Variants in NOL4 observed in about 807,000 individuals in gnomAD.
NOL4 encodes nucleolar protein 4, also known as cancer/testis antigen 125.
In NOL4, 17 loss-of-function variants were observed where a neutral mutation model predicts 75.9. The observed-to-expected ratio is 0.22, with a 90% CI of 0.15 to 0.34. NOL4 has a LOEUF of 0.34. Among genes scored for constraint, NOL4 ranks in the 10% least tolerant of loss-of-function variants. The pLI is 1.00. For missense variants in NOL4, 614 were observed against 793.5 expected (o/e 0.77, Z 2.72); for synonymous variants, 292 against 289.9 (o/e 1.01, Z -0.07).
At chr18:34,184,267 T>A (rs778250686) in intron 1 of NOL4, among the ~76,000 whole-genome samples, 1 of 151,928 alleles carries the variant, frequency 6.6e-6, no homozygotes, top group Non-Finnish European at 1.5e-5. Context: ...ATATCATTGT[T>A]ATTACTACCA....
intron 9 of NOL4, among the ~76,000 whole-genome samples, chr18:33,883,775 C>G (rs989524747): frequency 2.6e-5 from 4 of 152,060 alleles, no homozygotes; most frequent in Non-Finnish European, 4.4e-5. Flanking sequence ...GAATACTATA[C>G]AGCTTCAAAA....
chr18:34,002,086 A>C (rs758529255), intron 6 of NOL4, among the ~76,000 whole-genome samples: 28 of 152,218 alleles, frequency 1.8e-4, no homozygotes, highest in Middle Eastern at 3.4e-3. Flanking sequence ...GATTATTTCA[A>C]AGGCATTTTA....
At chr18:34,204,926 A>G (rs1317634287) in intron 1 of NOL4, among the ~76,000 whole-genome samples, 1 of 152,134 alleles carries the variant, frequency 6.6e-6, no homozygotes, top group Admixed American at 6.6e-5. Context: ...AGTAGATATC[A>G]TTTACTGTCC....
rs990770574 is a variant in NOL4, at chr18:34,089,721, A to G, written c.772+3744T>C. On this transcript the variant is annotated intron_variant, in intron 5 of 10. Coordinates refer to ENST00000261592, the MANE Select transcript of NOL4 (RefSeq NM_003787.5). ...CCACAAGGGACATTTGCAACATCTG[A>G]AGATATTTTTATTTGTCACAGTTGG... 3.9e-5 allele frequency among the ~76,000 whole-genome samples: 6 copies of G among 152,312 alleles called. No individual in the cohort carries two copies. In the South Asian group the frequency reaches 1.0e-3, roughly 26 times the overall value.
chr18:34,023,482 G>A (rs1299723485), intron 5 of NOL4: 1 of 456,220 alleles, frequency 2.2e-6, no homozygotes, highest in Non-Finnish European at 4.4e-6. Flanking sequence ...TACACAGAAG[G>A]TGCAGTATTT....
intron 9 of NOL4, among the ~76,000 whole-genome samples, chr18:33,941,840 T>G (rs1258595107): frequency 6.6e-6 from 1 of 151,866 alleles, no homozygotes; most frequent in East Asian, 1.9e-4. Context: ...ATACATAGTG[T>G]TATAACTCAT....
rs201612135 is a variant in NOL4 at position 34,189,215 on chromosome 18, CA to C, written c.264+33774del. Reference sequence around the variant, plus strand: ...AAGTGGAAGTGCAAGTGAGTGTATGCAAAAGAGGCAAAACATGAGGAGCAGT... The same window carrying C: ...AAGTGGAAGTGCAAGTGAGTGTATGCAAAGAGGCAAAACATGAGGAGCAGT... On this transcript the variant is annotated intron_variant, in intron 1 of 10. Coordinates refer to ENST00000261592, the MANE Select transcript of NOL4 (RefSeq NM_003787.5). 8.8e-3 allele frequency among the ~76,000 whole-genome samples: 1,339 copies of C among 152,156 alleles called. 20 individuals are homozygous for C. The highest frequency in any genetic ancestry group is 0.03 in the African/African-American group (1,250 of 41,502).
intron 5 of NOL4, among the ~76,000 whole-genome samples, chr18:34,051,639 G>C (rs1046423525): frequency 1.3e-5 from 2 of 152,060 alleles, no homozygotes; most frequent in African/African-American, 4.8e-5. Flanking sequence ...CCTGTCTTCA[G>C]TGAGTTCACA....
At chr18:34,001,190 A>T (rs1424334885) in intron 6 of NOL4, among the ~76,000 whole-genome samples, 1 of 152,152 alleles carries the variant, frequency 6.6e-6, no homozygotes, top group East Asian at 1.9e-4. Flanking sequence ...CATTTTTAGT[A>T]TAGTAGGGTA....
chr18:34,036,871 G>T (rs560854521), intron 5 of NOL4, among the ~76,000 whole-genome samples: 1 of 152,180 alleles, frequency 6.6e-6, no homozygotes, highest in Non-Finnish European at 1.5e-5. Flanking sequence ...GGTGGAGATT[G>T]CAGTTAGCCA....
intron 9 of NOL4, among the ~76,000 whole-genome samples, chr18:33,925,630 A>G (rs2067278615): frequency 6.6e-6 from 1 of 152,232 alleles, no homozygotes; most frequent in South Asian, 2.1e-4. Context: ...CTATGAATGT[A>G]TGATGACATT....
intron 5 of NOL4, among the ~76,000 whole-genome samples, chr18:34,051,656 T>C (rs1424353451): frequency 6.6e-6 from 1 of 152,064 alleles, no homozygotes; most frequent in East Asian, 1.9e-4. Flanking sequence ...CACAATTTAA[T>C]GCAGGAAGCA....
At chr18:33,894,811 A>G (rs1044351832) in intron 9 of NOL4, among the ~76,000 whole-genome samples, 1 of 152,126 alleles carries the variant, frequency 6.6e-6, no homozygotes, top group African/African-American at 2.4e-5. Flanking sequence ...ATGGTTACCC[A>G]GCCTCTGAGC....
chr18:34,078,369 A>G (rs2077842020), intron 5 of NOL4, among the ~76,000 whole-genome samples: 2 of 152,190 alleles, frequency 1.3e-5, no homozygotes, highest in African/African-American at 4.8e-5. Context: ...CACCTTTATT[A>G]GTAAAGACAA....
chr18:34,139,874 T>C (rs1488535847), intron 1 of NOL4, among the ~76,000 whole-genome samples: 1 of 152,206 alleles, frequency 6.6e-6, no homozygotes, highest in Non-Finnish European at 1.5e-5. Flanking sequence ...TTCTGGTATA[T>C]TGTGTCTTTG....
chr18:33,973,001 G>A (rs1421403185), intron 6 of NOL4, among the ~76,000 whole-genome samples: 1 of 152,164 alleles, frequency 6.6e-6, no homozygotes, highest in Non-Finnish European at 1.5e-5. Flanking sequence ...TTCATTGACT[G>A]TTCCTTTCAT....
At chr18:34,122,588 A>C (rs1318438053) in intron 2 of NOL4, among the ~76,000 whole-genome samples, 4 of 152,126 alleles carry the variant, frequency 2.6e-5, no homozygotes, top group African/African-American at 9.7e-5. Flanking sequence ...TATGGCCCTA[A>C]AAACAACCCT....
At chr18:33,918,649 C>A (rs372972315) in intron 9 of NOL4, among the ~76,000 whole-genome samples, 7 of 152,160 alleles carry the variant, frequency 4.6e-5, no homozygotes, top group East Asian at 1.9e-4. Context: ...ACTAAACTTA[C>A]TTTTCATTCA....
intron 5 of NOL4, among the ~76,000 whole-genome samples, chr18:34,062,277 CAAAG>C (rs1417091788): frequency 6.6e-6 from 1 of 151,386 alleles, no homozygotes; most frequent in African/African-American, 2.4e-5. Context: ...CAGAAAGACT[CAAAG>C]GAACAAAAGA....
Sources: allele counts gnomAD v4.1 joint callset (sites outside exome capture counted in the v4.1 genomes callset), GRCh38; gene constraint gnomAD v4.1.1; transcripts MANE v1.5; gene names NCBI Gene and HGNC (gene_info 2026-07-23, HGNC 2026-07-21).